Variants in UBE4B observed in about 807,000 individuals in gnomAD.
UBE4B encodes the protein ubiquitination factor E4B, also known as ubiquitin conjugation factor E4 B.
In UBE4B, 27 loss-of-function variants were observed where a neutral mutation model predicts 148.1. That is an observed-to-expected ratio of 0.18 (90% CI 0.13 to 0.25). The LOEUF is 0.25. UBE4B is among the 10% of genes least tolerant of loss of function. UBE4B has a pLI of 1.00. For synonymous variants in UBE4B, 596 were observed against 619.3 expected, an observed-to-expected ratio of 0.96 and a Z score of 0.56; for missense variants, 1,170 against 1,662.4, an observed-to-expected ratio of 0.70 and a Z score of 5.15.
chr1:10,074,729 T>G (rs182213320), intron 2 of UBE4B, among the ~76,000 whole-genome samples: 2 of 152,348 alleles, frequency 1.3e-5, no homozygotes, highest in African/African-American at 4.8e-5. Context: ...TCTTCACTCT[T>G]TGCCTGGTTC....
chr1:10,154,119 T>TCTAC (rs1283938644), intron 21 of UBE4B, among the ~76,000 whole-genome samples: 1 of 152,146 alleles, frequency 6.6e-6, no homozygotes, highest in East Asian at 1.9e-4. Context: ...GGCATGTGCC[T>TCTAC]GTAGTCCCAG....
Position 10,168,502 on chromosome 1 carries a change from C to G in UBE4B, c.3333+232C>G, listed in dbSNP as rs1185977248. On this transcript the variant is annotated intron_variant, in intron 24 of 27. Transcript: ENST00000343090. This position sits in a 1 kb window ranked among gnomAD's most constrained non-coding sequence, Gnocchi z 4.9. Reference sequence around the variant, plus strand: ...CATAGTCTACAGCCACTTCCAAATGCCTTACTGCACTTTGTGCTTAGACAG... The same window carrying G: ...CATAGTCTACAGCCACTTCCAAATGGCTTACTGCACTTTGTGCTTAGACAG... Among the ~76,000 whole-genome samples the G allele has an allele frequency of 6.6e-6, 1 of 152,190 alleles. No homozygotes were observed. Among genetic ancestry groups the G allele is most frequent in the Non-Finnish European group, 1.5e-5 (1 of 68,034 alleles).
chr1:10,125,957 G>A (rs1017691560), intron 10 of UBE4B, among the ~76,000 whole-genome samples: 16 of 152,196 alleles, frequency 1.1e-4, no homozygotes, highest in Non-Finnish European at 1.3e-4. Context: ...TTGATTGTTG[G>A]CCTGTTTATC....
At chr1:10,048,644 A>G (rs191192830) in intron 1 of UBE4B, among the ~76,000 whole-genome samples, 70 of 152,296 alleles carry the variant, frequency 4.6e-4, no homozygotes, top group Non-Finnish European at 7.6e-4. Context: ...GGAATGCTCA[A>G]CTGTGTCTAA....
chr1:10,078,719 T>TC (rs1168296426), intron 2 of UBE4B, among the ~76,000 whole-genome samples: 1 of 152,112 alleles, frequency 6.6e-6, no homozygotes, highest in East Asian at 1.9e-4. Flanking sequence ...TGCTCAAGAG[T>TC]CCCCCAACAG....
At chr1:10,109,561 A>T (rs1645182276) in intron 7 of UBE4B, among the ~76,000 whole-genome samples, 1 of 152,204 alleles carries the variant, frequency 6.6e-6, no homozygotes, top group Non-Finnish European at 1.5e-5. Flanking sequence ...AAGCATGGGT[A>T]AAAATACATG....
chr1:10,133,456 C>A (rs1645628929), intron 15 of UBE4B, among the ~76,000 whole-genome samples: 1 of 152,198 alleles, frequency 6.6e-6, no homozygotes, highest in Admixed American at 6.6e-5. Flanking sequence ...TATTAACTAT[C>A]ATTCTTATCA....
At position 10,146,960 on chromosome 1, in the gene UBE4B, C is replaced by T; in HGVS notation, c.2464-3C>T. On this transcript the variant is annotated splice_polypyrimidine_tract_variant and splice_region_variant and intron_variant, in intron 18 of 27. Transcript: ENST00000343090. Reference sequence around the variant, plus strand: ...TTGGGTGGGGACATCCCTGCTTCCACAGAAACTGGTACGGTGCAAGGCCTG... The same window carrying T: ...TTGGGTGGGGACATCCCTGCTTCCATAGAAACTGGTACGGTGCAAGGCCTG... 6.2e-7 allele frequency: 1 copy of T among 1,613,520 alleles called. No individual in the cohort carries two copies. Among genetic ancestry groups the T allele is most frequent in the Non-Finnish European group, 8.5e-7 (1 of 1,179,580 alleles).
At chr1:10,135,497 G>C (rs1296066376) in intron 16 of UBE4B, among the ~76,000 whole-genome samples, 1 of 151,986 alleles carries the variant, frequency 6.6e-6, no homozygotes, top group Non-Finnish European at 1.5e-5. Context: ...CCAGCACTTT[G>C]GGAGGCTGAG....
rs569470405 is a variant in UBE4B, at chr1:10,167,395, C to T, written c.3199-741C>T. Among the ~76,000 whole-genome samples the T allele has an allele frequency of 6.6e-5, 10 of 151,018 alleles. No homozygotes were observed. The East Asian group carries it at 1.2e-3, about 18-fold the overall frequency. ...CGGAGGTTCCGGTGAGCCGAGATCG[C>T]GCCATTGCACTCCAGCCTGGGCAAC... is the stretch of plus-strand genomic sequence containing the variant. On this transcript the variant is annotated intron_variant, in intron 23 of 27. Coordinates refer to ENST00000343090, the MANE Select transcript of UBE4B (RefSeq NM_001105562.3).
Position 10,100,617 on chromosome 1 carries a change from C to T in UBE4B, c.348-491C>T, listed in dbSNP as rs111690617. Among the ~76,000 whole-genome samples, 1,356 of 152,262 alleles carry T rather than the reference C, an allele frequency of 8.9e-3. 31 individuals are homozygous for T. The highest frequency in any genetic ancestry group is 0.032 in the African/African-American group (1,309 of 41,548). ...TTGCCCAGGCTGGAGTGCAATGGTG[C>T]GATCTCGGCTTACCGCAACCTCTGT... On this transcript the variant is annotated intron_variant, in intron 3 of 27. Transcript: ENST00000343090.
chr1:10,152,259 A>AAATAATAAT lies in UBE4B; in HGVS notation c.2926+727_2926+735dup, dbSNP rs60838123. 3.5e-3 allele frequency among the ~76,000 whole-genome samples: 499 copies of AAATAATAAT among 141,330 alleles called. 1 individual carries two copies. Among genetic ancestry groups the AAATAATAAT allele is most frequent in the South Asian group, 8.8e-3 (39 of 4,412 alleles). The allele number at this position is 141,330 out of a possible 152,430, so 92.7% of individuals were successfully genotyped here. ...GGGCAAGAGAACAAGACTCCGTCTCAAATAATAATAATAATAATAATAATA... is the reference window on the plus strand; with the variant it reads ...GGGCAAGAGAACAAGACTCCGTCTCAAATAATAATAATAATAATAATAATAATAATAATA... On this transcript the variant is annotated intron_variant, in intron 21 of 27. Coordinates refer to ENST00000343090, the MANE Select transcript of UBE4B (RefSeq NM_001105562.3).
chr1:10,061,782 A>G (rs565074125), intron 1 of UBE4B, among the ~76,000 whole-genome samples: 28 of 152,220 alleles, frequency 1.8e-4, no homozygotes, highest in African/African-American at 6.5e-4. Context: ...GCTACTCTCA[A>G]ACTTTTTCCT....
At chr1:10,126,193 G>A (rs1232858443) in intron 10 of UBE4B, among the ~76,000 whole-genome samples, 7 of 152,094 alleles carry the variant, frequency 4.6e-5, no homozygotes, top group African/African-American at 7.2e-5. Flanking sequence ...CAGCTGGCTC[G>A]GGAGGCTGAG....
Position 10,103,107 on chromosome 1 carries a change from C to A in UBE4B, c.580+15C>A. ...CCCAAAAGAAGGTAGGAATCTAGCT[C>A]AGCAGTCTTACTGCAGAGTACTCGA... On this transcript the variant is annotated intron_variant, in intron 5 of 27. Transcript: ENST00000343090. The A allele has an allele frequency of 6.3e-7, 1 of 1,593,274 alleles. No individual in the cohort carries two copies. The highest frequency in any genetic ancestry group is 1.1e-5 in the South Asian group (1 of 90,216).
At chr1:10,175,485 A>T (rs560845003) in intron 25 of UBE4B, among the ~76,000 whole-genome samples, 1 of 144,548 alleles carries the variant, frequency 6.9e-6, no homozygotes, top group Non-Finnish European at 1.5e-5. Flanking sequence ...CCCCATCTCT[A>T]CTAAAAATAC....
Position 10,117,620 on chromosome 1 carries a change from C to T in UBE4B, c.1338+20C>T. ...CCAAAGGTAATATGAAATGGATTAA[C>T]TTAAAAAAAAAAAAGCCTAGTTATT... On this transcript the variant is annotated intron_variant, in intron 8 of 27. Coordinates refer to ENST00000343090, the MANE Select transcript of UBE4B (RefSeq NM_001105562.3). 2 of 1,546,116 alleles carry T rather than the reference C, an allele frequency of 1.3e-6. No individual in the cohort carries two copies. The highest frequency in any genetic ancestry group is 1.7e-6 in the Non-Finnish European group (2 of 1,153,128).
At position 10,041,693 on chromosome 1, in the gene UBE4B, TTTTG is replaced by T. The variant is rs376585441; in HGVS notation, c.24+8015_24+8018del. ...TAGGAAGTGGAAGCCCCAGTGGACT[TTTTG>T]TTTGTTTGTTTGTTTTTTAAGACAG... is the stretch of plus-strand genomic sequence containing the variant. On this transcript the variant is annotated intron_variant, in intron 1 of 27. Transcript: ENST00000343090. Among the ~76,000 whole-genome samples the T allele has an allele frequency of 2.6e-3, 400 of 151,704 alleles. 2 individuals carry two copies. In the Middle Eastern group the frequency reaches 0.034, roughly 13 times the overall value.
chr1:10,077,415 G>A (rs1447002599), intron 2 of UBE4B, among the ~76,000 whole-genome samples: 1 of 152,126 alleles, frequency 6.6e-6, no homozygotes, highest in Non-Finnish European at 1.5e-5. Context: ...ACTTGCTTAC[G>A]TCTGCTAAGA....
Sources: gnomAD v4.1 joint callset for allele counts (sites outside exome capture counted in the v4.1 genomes callset) on GRCh38, gnomAD v4.1.1 for gene constraint, Gnocchi (gnomAD v3.1) non-coding constraint, MANE v1.5 for transcripts, NCBI Gene and HGNC (gene_info 2026-07-23, HGNC 2026-07-21) for gene names.